Variants in LRP1B observed in about 807,000 individuals in gnomAD.
LRP1B encodes the protein LDL receptor related protein 1B.
LRP1B carries 217 observed loss-of-function variants against 556.6 expected under a neutral mutation model. The observed-to-expected ratio is 0.39, with a 90% CI of 0.35 to 0.44. The LOEUF (loss-of-function observed/expected upper bound fraction) is 0.44, where lower values mean the gene tolerates loss of function less well. LRP1B is among the 20% of genes least tolerant of loss of function. The pLI is 1.00. For synonymous variants in LRP1B, 2,047 were observed against 1,865.8 expected, an observed-to-expected ratio of 1.10 and a Z score of -2.50; for missense variants, 5,053 against 5,620.8, an observed-to-expected ratio of 0.90 and a Z score of 3.23.
chr2:141,647,714 T>TTC (rs1262384372), intron 2 of LRP1B, among the ~76,000 whole-genome samples: 2 of 151,564 alleles, frequency 1.3e-5, no homozygotes, highest in African/African-American at 4.8e-5. Context: ...TTTTTTTTTT[T>TTC]TTAAATAAGA....
rs1574414463 is a variant in LRP1B, at chr2:141,838,143, A to C, written c.83-27742T>G. On this transcript the variant is annotated intron_variant, in intron 1 of 90. Coordinates refer to ENST00000389484, the MANE Select transcript of LRP1B (RefSeq NM_018557.3). Reference sequence around the variant, plus strand: ...TCTGCCAAATAGATCTTAAGCTAGAAGTGGGGGATGCAGAAATACAAAGCT... The same window carrying C: ...TCTGCCAAATAGATCTTAAGCTAGACGTGGGGGATGCAGAAATACAAAGCT... Among the ~76,000 whole-genome samples, 4 of 152,260 alleles carry C rather than the reference A, an allele frequency of 2.6e-5. No individual in the cohort carries two copies. In the Middle Eastern group the frequency reaches 0.014, roughly 518 times the overall value.
chr2:142,064,735 T>C (rs1428712113), intron 1 of LRP1B, among the ~76,000 whole-genome samples: 18 of 151,602 alleles, frequency 1.2e-4, no homozygotes, highest in Admixed American at 1.2e-3. Flanking sequence ...CTCATGAATA[T>C]ACACTAAAAC....
chr2:141,937,196 T>C (rs1700658622), intron 1 of LRP1B, among the ~76,000 whole-genome samples: 1 of 151,730 alleles, frequency 6.6e-6, no homozygotes, highest in Admixed American at 6.6e-5. Context: ...GAGACCACGG[T>C]GAAACCCCAT....
At chr2:141,486,408 CATT>C (rs1683124242) in intron 2 of LRP1B, among the ~76,000 whole-genome samples, 1 of 152,024 alleles carries the variant, frequency 6.6e-6, no homozygotes, top group Non-Finnish European at 1.5e-5. Flanking sequence ...TTACTGTGTA[CATT>C]AATAGGGGAT....
chr2:141,741,051 T>C (rs1432483295), intron 2 of LRP1B, among the ~76,000 whole-genome samples: 1 of 152,094 alleles, frequency 6.6e-6, no homozygotes, highest in Non-Finnish European at 1.5e-5. Flanking sequence ...TTATTTCACT[T>C]AACCTAATAA....
intron 15 of LRP1B, 38 bp from the exon 16 acceptor site, chr2:140,994,173 AGC>A (rs752682333): frequency 6.4e-7 from 1 of 1,569,838 alleles, no homozygotes; most frequent in Non-Finnish European, 8.7e-7. Flanking sequence ...GAATAATGCT[AGC>A]TACAGTCAGT....
At chr2:141,865,612 A>AC (rs1698388427) in intron 1 of LRP1B, among the ~76,000 whole-genome samples, 1 of 151,386 alleles carries the variant, frequency 6.6e-6, no homozygotes, top group Non-Finnish European at 1.5e-5. Context: ...AAAAAAGAAA[A>AC]AAAAAAAGAA....
At chr2:141,978,470 C>A (rs917766166) in intron 1 of LRP1B, among the ~76,000 whole-genome samples, 1 of 151,802 alleles carries the variant, frequency 6.6e-6, no homozygotes, top group Non-Finnish European at 1.5e-5. Flanking sequence ...AACAAGGTGT[C>A]TAAAAATAAG....
intron 3 of LRP1B, among the ~76,000 whole-genome samples, chr2:141,392,805 G>C (rs1299789023): frequency 6.6e-6 from 1 of 152,148 alleles, no homozygotes; most frequent in African/African-American, 2.4e-5. Context: ...AATCTGTCGA[G>C]TCATGTATCC....
chr2:141,877,879 T>C (rs750233049), intron 1 of LRP1B, among the ~76,000 whole-genome samples: 1 of 151,974 alleles, frequency 6.6e-6, no homozygotes, highest in African/African-American at 2.4e-5. Flanking sequence ...CAGTTACCAC[T>C]AAAATAGATG....
chr2:141,421,327 G>A (rs1279734458), intron 3 of LRP1B, among the ~76,000 whole-genome samples: 1 of 152,002 alleles, frequency 6.6e-6, no homozygotes, highest in East Asian at 1.9e-4. Flanking sequence ...AGGAGATCGA[G>A]ACCATCCCGG....
chr2:141,142,173 C>T (rs60107266), intron 7 of LRP1B, among the ~76,000 whole-genome samples: 2,848 of 152,222 alleles, frequency 0.019, 84 homozygotes, highest in African/African-American at 0.065. Flanking sequence ...ACATTTGAGA[C>T]GTGAAAGAAC....
At chr2:141,944,335 T>A (rs989075484) in intron 1 of LRP1B, among the ~76,000 whole-genome samples, 1 of 152,170 alleles carries the variant, frequency 6.6e-6, no homozygotes, top group African/African-American at 2.4e-5. Context: ...TAATACTGGT[T>A]TATAACCTCT....
intron 72 of LRP1B, among the ~76,000 whole-genome samples, chr2:140,363,623 A>C (rs1682617946): frequency 1.3e-5 from 2 of 151,598 alleles, no homozygotes; most frequent in South Asian, 4.1e-4. Flanking sequence ...ACTGAAGCTG[A>C]AACTTAGTTG....
At chr2:141,462,499 G>A (rs915819022) in intron 3 of LRP1B, among the ~76,000 whole-genome samples, 11 of 151,230 alleles carry the variant, frequency 7.3e-5, no homozygotes, top group African/African-American at 2.7e-4. Context: ...GTTGGGGGGT[G>A]GGGGTCAAGG....
intron 2 of LRP1B, among the ~76,000 whole-genome samples, chr2:141,568,424 GA>G (rs1157262256): frequency 6.6e-6 from 1 of 151,010 alleles, no homozygotes; most frequent in East Asian, 1.9e-4. Flanking sequence ...AGTATTTCTT[GA>G]ACATGAGAAA....
At chr2:141,003,291 A>C (rs957651695) in intron 15 of LRP1B, among the ~76,000 whole-genome samples, 1 of 152,096 alleles carries the variant, frequency 6.6e-6, no homozygotes. Flanking sequence ...ATATTAAGTA[A>C]AAATGACAGA....
intron 77 of LRP1B, among the ~76,000 whole-genome samples, chr2:140,338,479 C>A (rs1252459992): frequency 6.6e-6 from 1 of 151,622 alleles, no homozygotes; most frequent in African/African-American, 2.4e-5. Flanking sequence ...CTACTCTCAA[C>A]CTATGGCCAA....
intron 1 of LRP1B, among the ~76,000 whole-genome samples, chr2:142,043,079 T>G (rs1704119127): frequency 6.6e-6 from 1 of 151,584 alleles, no homozygotes; most frequent in Non-Finnish European, 1.5e-5. Context: ...TCTTTACCTC[T>G]ACCTAATCAT....
Sources: gnomAD v4.1 joint callset for allele counts (sites outside exome capture counted in the v4.1 genomes callset) on GRCh38, gnomAD v4.1.1 for gene constraint, MANE v1.5 for transcripts, NCBI Gene and HGNC (gene_info 2026-07-23, HGNC 2026-07-21) for gene names.